CDKAL1: variants seen among roughly 807,000 people sequenced by gnomAD.
The protein encoded by CDKAL1 is CDKAL1 threonylcarbamoyladenosine tRNA methylthiotransferase.
CDKAL1 carries 32 observed loss-of-function variants against 68.2 expected under a neutral mutation model. The observed-to-expected ratio is 0.47, with a 90% CI of 0.35 to 0.63. The LOEUF is 0.63. Among genes scored for constraint, CDKAL1 ranks in the 30% least tolerant of loss-of-function variants. The pLI, the probability that CDKAL1 is intolerant of heterozygous loss-of-function variation, is 0.00. For missense variants in CDKAL1, 606 were observed against 696.7 expected (o/e 0.87, Z 1.47); for synonymous variants, 234 against 244.3 (o/e 0.96, Z 0.39).
chr6:20,627,756 T>G (rs1427033831), intron 4 of CDKAL1, among the ~76,000 whole-genome samples: 1 of 152,200 alleles, frequency 6.6e-6, no homozygotes, highest in Non-Finnish European at 1.5e-5. Context: ...AGACTTTAAT[T>G]TTTTCAACAC....
intron 13 of CDKAL1, among the ~76,000 whole-genome samples, chr6:21,166,196 A>G (rs1195436364): frequency 6.6e-6 from 1 of 152,164 alleles, no homozygotes; most frequent in Non-Finnish European, 1.5e-5. Flanking sequence ...AGGGATACAG[A>G]TGTGTGAGAG....
At chr6:20,643,547 G>A (rs1241167633) in intron 4 of CDKAL1, among the ~76,000 whole-genome samples, 1 of 152,156 alleles carries the variant, frequency 6.6e-6, no homozygotes, top group African/African-American at 2.4e-5. Context: ...CCAACAATGT[G>A]TGCATAAGGG....
At chr6:21,205,700 G>T (rs6932752) in intron 15 of CDKAL1, among the ~76,000 whole-genome samples, 52,907 of 145,826 alleles carry the variant, frequency 0.36, 12,186 homozygotes, top group African/African-American at 0.67. Context: ...CCAGCTAATT[G>T]TTTTGTATTT....
chr6:20,594,356 G>A (rs968753545), intron 4 of CDKAL1, among the ~76,000 whole-genome samples: 51 of 152,122 alleles, frequency 3.4e-4, no homozygotes, highest in Admixed American at 2.6e-3. Context: ...GAATCGGGGC[G>A]CTCCTGTATT....
At chr6:20,636,853 A>G (rs1321898033) in intron 4 of CDKAL1, among the ~76,000 whole-genome samples, 3 of 152,078 alleles carry the variant, frequency 2.0e-5, no homozygotes, top group South Asian at 2.1e-4. Flanking sequence ...CCTGGCCAAC[A>G]TGGTGAAACC....
intron 4 of CDKAL1, among the ~76,000 whole-genome samples, chr6:20,580,358 GC>G (rs1443352401): frequency 1.3e-5 from 2 of 152,136 alleles, no homozygotes; most frequent in East Asian, 3.9e-4. Flanking sequence ...CTGCTGGAAG[GC>G]TGGAATACAG....
chr6:21,151,914 C>G (rs1285352361), intron 13 of CDKAL1, among the ~76,000 whole-genome samples: 2 of 152,174 alleles, frequency 1.3e-5, no homozygotes, highest in African/African-American at 2.4e-5. Flanking sequence ...GCCTCCACCC[C>G]CAACACACAC....
chr6:20,598,111 A>G (rs1475276766), intron 4 of CDKAL1, among the ~76,000 whole-genome samples: 1 of 152,202 alleles, frequency 6.6e-6, no homozygotes, highest in Non-Finnish European at 1.5e-5. Flanking sequence ...GTGCTGTAAT[A>G]GGAACTGCAG....
chr6:20,814,808 A>G (rs184911450), intron 8 of CDKAL1, among the ~76,000 whole-genome samples: 5 of 152,296 alleles, frequency 3.3e-5, no homozygotes, highest in African/African-American at 4.8e-5. Context: ...GAGCCTTTCT[A>G]TCATTCTCCA....
intron 5 of CDKAL1, among the ~76,000 whole-genome samples, chr6:20,735,496 C>T (rs1414852851): frequency 6.6e-6 from 1 of 152,058 alleles, no homozygotes; most frequent in African/African-American, 2.4e-5. Flanking sequence ...GGAAACGACT[C>T]CTATGATTCA....
intron 13 of CDKAL1, among the ~76,000 whole-genome samples, chr6:21,183,907 G>A (rs184801740): frequency 2.8e-4 from 43 of 152,168 alleles, no homozygotes; most frequent in Non-Finnish European, 4.6e-4. Flanking sequence ...CCTCTTGGCC[G>A]GGGGCATTCA....
At chr6:20,572,453 A>G (rs1045710033) in intron 4 of CDKAL1, among the ~76,000 whole-genome samples, 6 of 152,206 alleles carry the variant, frequency 3.9e-5, no homozygotes, top group African/African-American at 1.2e-4. Context: ...CCAGACAGCA[A>G]TCTTTCATTT....
intron 5 of CDKAL1, among the ~76,000 whole-genome samples, chr6:20,701,618 C>T (rs1259602825): frequency 1.3e-5 from 2 of 152,086 alleles, no homozygotes; most frequent in East Asian, 3.9e-4. Flanking sequence ...ATGTCTTCTG[C>T]CCCCTCCCAC....
chr6:21,179,041 C>T (rs534403251), intron 13 of CDKAL1, among the ~76,000 whole-genome samples: 7 of 152,302 alleles, frequency 4.6e-5, no homozygotes, highest in Non-Finnish European at 1.0e-4. Context: ...TCTTATTTTC[C>T]ATTATCCCTG....
At chr6:20,548,505 C>T in intron 3 of CDKAL1, 88 bp from the exon 4 acceptor site, 1 of 707,588 alleles carries the variant, frequency 1.4e-6, no homozygotes, top group Admixed American at 2.3e-5. Flanking sequence ...TGCACTGCAG[C>T]CTGGGCAACA....
chr6:20,546,522 A>T lies in CDKAL1; in HGVS notation c.172A>T (p.Ser58Cys). Residue 58 changes from serine (S) to cysteine (C), a missense_variant and splice_region_variant, in exon 3 of 16, where the codon AGC becomes TGC. Coordinates refer to ENST00000274695, the MANE Select transcript of CDKAL1 (RefSeq NM_017774.3). ...GGAAGAAAACAGTCCACCAAGTGAC[A>T]GGTAAGCTTTTTTCCTTGAAATTAT... ...QEEENSPPSDSTIPGIQKIWI... is the reference protein window; with the variant it reads ...QEEENSPPSDCTIPGIQKIWI... The T allele has an allele frequency of 1.2e-6, 2 of 1,611,166 alleles. No individual in the cohort carries two copies. Among genetic ancestry groups the T allele is most frequent in the Non-Finnish European group, 1.7e-6 (2 of 1,178,840 alleles).
chr6:20,837,613 A>G (rs1327714086), intron 8 of CDKAL1, among the ~76,000 whole-genome samples: 2 of 152,106 alleles, frequency 1.3e-5, no homozygotes, highest in Admixed American at 6.5e-5. Context: ...CCACTTTCCC[A>G]TAAGTTGACC....
chr6:20,784,250 C>T (rs1051437820), intron 8 of CDKAL1, among the ~76,000 whole-genome samples: 23 of 151,158 alleles, frequency 1.5e-4, no homozygotes, highest in Non-Finnish European at 2.1e-4. Context: ...ATATAACCCA[C>T]TTACTTTTTC....
chr6:21,114,563 G>A (rs936963422), intron 13 of CDKAL1, among the ~76,000 whole-genome samples: 1 of 151,706 alleles, frequency 6.6e-6, no homozygotes, highest in African/African-American at 2.4e-5. Context: ...GGAGACTCCT[G>A]TCTCTACAAA....
Sources: gnomAD v4.1 joint callset for allele counts (sites outside exome capture counted in the v4.1 genomes callset) on GRCh38, gnomAD v4.1.1 for gene constraint, MANE v1.5 for transcripts, NCBI Gene and HGNC (gene_info 2026-07-23, HGNC 2026-07-21) for gene names.